Variants in PCBP3 observed in about 807,000 individuals in gnomAD.
PCBP3 encodes poly(rC)-binding protein 3.
PCBP3 carries 25 observed loss-of-function variants against 52.7 expected under a neutral mutation model. The ratio of observed to expected loss-of-function variants is 0.47; its 90% CI spans 0.35 to 0.66. The LOEUF (loss-of-function observed/expected upper bound fraction) is 0.66. PCBP3 is among the 30% of genes least tolerant of loss of function. The pLI is 0.01. For synonymous variants in PCBP3, 162 were observed against 183.0 expected, an observed-to-expected ratio of 0.89 and a Z score of 0.93; for missense variants, 391 against 490.3, an observed-to-expected ratio of 0.80 and a Z score of 1.91.
At chr21:45,901,625 A>G (rs2096043020) in intron 9 of PCBP3, 1 of 143,210 alleles carries the variant, frequency 7.0e-6, no homozygotes, top group African/African-American at 3.1e-5. Context: ...CATCCGTGAT[A>G]GTGGATATGA....
At position 45,827,384 on chromosome 21, in the gene PCBP3, C is replaced by G. The variant is rs78348094; in HGVS notation, c.-125-22577C>G. ...GCCAGGTTTCAACTGCAGGTCCTCA[C>G]ACACGCCAAGAACCAGGAAGACTCC... On this transcript the variant is annotated intron_variant, in intron 4 of 17. Transcript: ENST00000681687. The surrounding 1 kb of genome is among the most constrained non-coding windows in gnomAD (Gnocchi z 4.3). Among the ~76,000 whole-genome samples the G allele has an allele frequency of 0.02, 3,090 of 152,296 alleles. 105 individuals carry two copies. The highest frequency in any genetic ancestry group is 0.07 in the African/African-American group (2,906 of 41,554).
chr21:45,795,320 T>TC (rs1003875105), intron 4 of PCBP3, among the ~76,000 whole-genome samples: 6 of 151,616 alleles, frequency 4.0e-5, no homozygotes, highest in African/African-American at 7.3e-5. Context: ...TTTTTCTTTT[T>TC]TTTTTTTTCC....
intron 2 of PCBP3, among the ~76,000 whole-genome samples, chr21:45,705,746 C>T (rs2083408657): frequency 6.6e-6 from 1 of 151,794 alleles, no homozygotes; most frequent in Admixed American, 6.6e-5. Context: ...TTTTTTTTCC[C>T]CCTCTCAGCC....
chr21:45,848,377 G>A (rs1036741444), intron 4 of PCBP3: 1 of 152,260 alleles, frequency 6.6e-6, no homozygotes, highest in Non-Finnish European at 1.5e-5. Context: ...TATAAATGGA[G>A]AGGATGCATA....
At chr21:45,869,881 G>A (rs1396422882) in intron 5 of PCBP3, among the ~76,000 whole-genome samples, 1 of 152,240 alleles carries the variant, frequency 6.6e-6, no homozygotes, top group Non-Finnish European at 1.5e-5. Context: ...GCCGCACTGG[G>A]GTTTAGCACC....
chr21:45,649,821 A>G (rs1468223176), intron 1 of PCBP3, among the ~76,000 whole-genome samples: 1 of 151,918 alleles, frequency 6.6e-6, no homozygotes, highest in Non-Finnish European at 1.5e-5. Context: ...TTCCTTTATT[A>G]GGTTAAGGAT....
At chr21:45,843,017 C>G (rs1446153028) in intron 4 of PCBP3, among the ~76,000 whole-genome samples, 2 of 145,728 alleles carry the variant, frequency 1.4e-5, no homozygotes, top group Non-Finnish European at 2.9e-5. Context: ...TTTCCAGTGC[C>G]CTGTCTGAAA....
At chr21:45,854,983 C>T (rs1292993388) in intron 5 of PCBP3, among the ~76,000 whole-genome samples, 1 of 152,214 alleles carries the variant, frequency 6.6e-6, no homozygotes, top group Non-Finnish European at 1.5e-5. Context: ...AGAAAGCTGA[C>T]AGAGAGCTCC....
intron 5 of PCBP3, 64 bp downstream of exon 5, chr21:45,850,159 A>C: frequency 7.5e-7 from 1 of 1,334,774 alleles, no homozygotes; most frequent in Non-Finnish European, 1.1e-6. Context: ...ACAAAGTCAG[A>C]CTTACCCTTG....
chr21:45,703,779 G>A (rs2083277206), intron 2 of PCBP3, among the ~76,000 whole-genome samples: 1 of 152,130 alleles, frequency 6.6e-6, no homozygotes, highest in Non-Finnish European at 1.5e-5. Context: ...GGTTCTGGGT[G>A]TAGTTTGGTG....
chr21:45,650,726 T>C (rs1330192334), intron 1 of PCBP3, among the ~76,000 whole-genome samples: 1 of 152,160 alleles, frequency 6.6e-6, no homozygotes, highest in Non-Finnish European at 1.5e-5. Context: ...AATGTCATAG[T>C]TTTGGAAAGG....
chr21:45,812,040 A>G (rs760293460), intron 4 of PCBP3, among the ~76,000 whole-genome samples: 9 of 152,176 alleles, frequency 5.9e-5, no homozygotes, highest in South Asian at 2.1e-4. Flanking sequence ...AAATTTTAAT[A>G]TACAATTTTA....
chr21:45,888,611 C>A (rs2095578501), intron 5 of PCBP3, among the ~76,000 whole-genome samples: 3 of 152,248 alleles, frequency 2.0e-5, no homozygotes, highest in Non-Finnish European at 2.9e-5. Context: ...ATACCACAGG[C>A]AGCTTTCCTC....
intron 1 of PCBP3, among the ~76,000 whole-genome samples, chr21:45,646,107 C>CTCTCTCTCTGTGTGTGTGTG (rs1555895746): frequency 6.0e-5 from 5 of 83,826 alleles, no homozygotes; most frequent in African/African-American, 1.9e-4. Flanking sequence ...CTCTCTCTCT[C>CTCTCTCTCTGTGTGTGTGTG]TGTGTGTGTG....
intron 15 of PCBP3, 36 bp from the exon 16 acceptor site, chr21:45,935,217 T>G (rs1203085843): frequency 2.0e-6 from 3 of 1,535,458 alleles, no homozygotes; most frequent in Middle Eastern, 2.3e-4. Flanking sequence ...TTAGCAGCCT[T>G]CCACCAGCCT....
At chr21:45,828,469 CTT>C (rs535395265) in intron 4 of PCBP3, 26 of 152,362 alleles carry the variant, frequency 1.7e-4, no homozygotes, top group African/African-American at 6.3e-4. Flanking sequence ...TTCGCAACAA[CTT>C]GAACCAGCCG....
chr21:45,892,454 C>T (rs1304413732), intron 5 of PCBP3, among the ~76,000 whole-genome samples: 6 of 130,636 alleles, frequency 4.6e-5, no homozygotes, highest in Admixed American at 8.1e-5. Context: ...GGCGCAGTCC[C>T]GTCTCTGACG....
chr21:45,676,280 G>A (rs958628694), intron 2 of PCBP3, among the ~76,000 whole-genome samples: 4 of 152,176 alleles, frequency 2.6e-5, no homozygotes, highest in African/African-American at 7.2e-5. Flanking sequence ...TCAGGCAAAA[G>A]TTAGAATTGT....
chr21:45,663,720 C>A (rs2080572241), intron 1 of PCBP3, among the ~76,000 whole-genome samples: 1 of 152,054 alleles, frequency 6.6e-6, no homozygotes, highest in African/African-American at 2.4e-5. Context: ...TCTATTCTGT[C>A]CCCATTGATC....
Sources: allele counts gnomAD v4.1 joint callset (sites outside exome capture counted in the v4.1 genomes callset), GRCh38; gene constraint gnomAD v4.1.1; non-coding constraint Gnocchi (gnomAD v3.1); transcripts MANE v1.5; gene names NCBI Gene and HGNC (gene_info 2026-07-23, HGNC 2026-07-21).